Variants in SAP130 observed in about 807,000 individuals in gnomAD.
The protein encoded by SAP130 is histone deacetylase complex subunit SAP130.
Under a neutral mutation model 103.2 loss-of-function variants are expected in SAP130, and 16 were observed. The ratio of observed to expected loss-of-function variants is 0.16; its 90% CI spans 0.10 to 0.24. The LOEUF (loss-of-function observed/expected upper bound fraction) is 0.24. Ranked by LOEUF, SAP130 falls within the 10% of genes least tolerant of loss-of-function variation. The pLI, the probability that SAP130 is intolerant of heterozygous loss-of-function variation, is 1.00. For missense variants in SAP130, 990 were observed against 1,359.7 expected, an observed-to-expected ratio of 0.73 and a Z score of 4.28; for synonymous variants, 477 against 497.0, an observed-to-expected ratio of 0.96 and a Z score of 0.53.
chr2:127,967,936 T>G (rs1245444794), intron 15 of SAP130, among the ~76,000 whole-genome samples: 2 of 152,044 alleles, frequency 1.3e-5, no homozygotes, highest in Non-Finnish European at 2.9e-5. Flanking sequence ...GAATCCAAAC[T>G]AAAGATCTTT....
intron 12 of SAP130, among the ~76,000 whole-genome samples, chr2:127,990,361 GA>G (rs981494436): frequency 7.4e-4 from 97 of 130,956 alleles, no homozygotes; most frequent in Admixed American, 7.7e-4. Flanking sequence ...TGTGTATATT[GA>G]AAAAAAAAAA....
At chr2:127,966,987 A>G (rs904607473) in intron 15 of SAP130, among the ~76,000 whole-genome samples, 4 of 152,208 alleles carry the variant, frequency 2.6e-5, no homozygotes, top group African/African-American at 9.7e-5. Context: ...ATATTTCATG[A>G]AAACAGTAAG....
Position 127,993,209 on chromosome 2 carries a change from C to T in SAP130, c.1455G>A (p.Val485=), listed in dbSNP as rs1378083536. The T allele has an allele frequency of 2.5e-6, 4 of 1,613,908 alleles. No homozygotes were observed. The highest frequency in any genetic ancestry group is 2.5e-6 in the Non-Finnish European group (3 of 1,179,938). The change falls in exon 12 of 21, where the codon GTG becomes GTA. Residue 485 remains valine, a synonymous_variant. Coordinates refer to ENST00000643581, the MANE Select transcript of SAP130 (RefSeq NM_001330301.2). ...AHTYTPITSS[V]STIRQYPVSA... is the part of the protein sequence containing the mutation. ...TACCTGGATACTGTCGGATAGTGGA[C>T]ACGGAACTGGTGATTGGGGTGTAGG...
intron 15 of SAP130, among the ~76,000 whole-genome samples, chr2:127,965,675 A>G (rs1229992667): frequency 6.6e-6 from 1 of 152,088 alleles, no homozygotes. Context: ...CTGTAATCTC[A>G]GCCACTCGGG....
intron 18 of SAP130, among the ~76,000 whole-genome samples, chr2:127,946,681 G>C (rs149029797): frequency 6.6e-6 from 1 of 151,474 alleles, no homozygotes; most frequent in Non-Finnish European, 1.5e-5. Flanking sequence ...TCAGGAGTTC[G>C]AGACCAGCCT....
chr2:128,027,285 G>C, intron 1 of SAP130: 1 of 1,162,190 alleles, frequency 8.6e-7, no homozygotes, highest in Non-Finnish European at 1.1e-6. Flanking sequence ...CGCTGTGCTC[G>C]CAGTCCTCTT....
intron 18 of SAP130, among the ~76,000 whole-genome samples, chr2:127,947,800 G>GTGTGTGTGTGTGTGTGTGTGTT (rs1178153149): frequency 6.6e-6 from 1 of 151,534 alleles, no homozygotes; most frequent in South Asian, 2.1e-4. Flanking sequence ...GTGTGTGTGT[G>GTGTGTGTGTGTGTGTGTGTGTT]TTTTGAGACG....
chr2:127,944,478 T>C (rs1678929114), intron 19 of SAP130, among the ~76,000 whole-genome samples: 1 of 151,858 alleles, frequency 6.6e-6, no homozygotes, highest in African/African-American at 2.4e-5. Flanking sequence ...CGCCCAGGCT[T>C]GAGTGCAGTG....
rs1678778357 is a variant in SAP130 at position 127,942,496 on chromosome 2, C to T, written c.2943G>A (p.Leu981=). 2 of 1,613,640 alleles carry T rather than the reference C, an allele frequency of 1.2e-6. No homozygotes were observed. The highest frequency in any genetic ancestry group is 1.1e-5 in the South Asian group (1 of 91,058). ...EHDVYERLTN[L]QEGIIPKKKA... The stretch of plus-strand genomic sequence containing the variant: ...TTTTCTTTGGGATAATCCCTTCCTG[C>T]AGGTTAGTAAGTCTTTCATAGACAT... The change falls in exon 20 of 21, where the codon CTG becomes CTA. Residue 981 remains leucine (L), a synonymous_variant. Coordinates refer to ENST00000643581, the MANE Select transcript of SAP130 (RefSeq NM_001330301.2). This position sits in a 1 kb window ranked among gnomAD's most constrained non-coding sequence, Gnocchi z 4.8.
chr2:128,016,315 C>T lies in SAP130; in HGVS notation c.507+74G>A, dbSNP rs1405986673. ...TTTTATTACCGTGACTAATGTACTG[C>T]TAGCATTCAATAAATCATGATCAAC... On this transcript the variant is annotated intron_variant, in intron 4 of 20. Transcript: ENST00000643581. 9.6e-6 allele frequency: 14 copies of T among 1,459,870 alleles called. No individual in the cohort carries two copies. The South Asian group carries it at 1.4e-4, about 14-fold the overall frequency. The allele number at this position is 1,459,870 out of a possible 1,614,324, so 90.4% of individuals were successfully genotyped here.
chr2:127,947,322 T>C (rs776443212), intron 18 of SAP130, among the ~76,000 whole-genome samples: 1 of 152,196 alleles, frequency 6.6e-6, no homozygotes, highest in Non-Finnish European at 1.5e-5. Flanking sequence ...AGGAAATTAA[T>C]AAGGCCAGTT....
intron 18 of SAP130, among the ~76,000 whole-genome samples, chr2:127,945,927 A>G (rs6746463): frequency 0.028 from 4,242 of 152,308 alleles, 179 homozygotes; most frequent in African/African-American, 0.093. Context: ...TGTTGGGATT[A>G]TAGGCATGAG....
chr2:127,956,177 C>T (rs978736023), intron 15 of SAP130, among the ~76,000 whole-genome samples: 1 of 152,142 alleles, frequency 6.6e-6, no homozygotes, highest in Non-Finnish European at 1.5e-5. Flanking sequence ...GGTTCAGGAG[C>T]TTCTGGGATA....
intron 3 of SAP130, among the ~76,000 whole-genome samples, chr2:128,017,152 T>C (rs935777899): frequency 1.3e-5 from 2 of 152,084 alleles, no homozygotes; most frequent in Admixed American, 6.6e-5. Context: ...TGAAACGCCA[T>C]CTCTACTAAA....
intron 15 of SAP130, among the ~76,000 whole-genome samples, chr2:127,965,035 GC>G (rs1300035656): frequency 6.9e-6 from 1 of 144,822 alleles, no homozygotes; most frequent in Non-Finnish European, 1.5e-5. Flanking sequence ...GGTGGCTCAT[GC>G]CTGTAATCCC....
chr2:127,964,616 A>G (rs1680508934), intron 15 of SAP130, among the ~76,000 whole-genome samples: 1 of 152,068 alleles, frequency 6.6e-6, no homozygotes, highest in Non-Finnish European at 1.5e-5. Context: ...TTAAATACTG[A>G]AAACTGTTAG....
At chr2:128,019,461 G>C (rs1428578482) in intron 2 of SAP130, among the ~76,000 whole-genome samples, 3 of 152,192 alleles carry the variant, frequency 2.0e-5, no homozygotes, top group African/African-American at 7.2e-5. Context: ...TGAAGAAAGA[G>C]TTCCACTATG....
rs1041342818 is a variant in SAP130 at position 127,966,931 on chromosome 2, C to A, written c.2063+11054G>T. Among the ~76,000 whole-genome samples the A allele has an allele frequency of 1.3e-5, 2 of 151,966 alleles. 1 individual carries two copies. The highest frequency in any genetic ancestry group is 4.1e-4 in the South Asian group (2 of 4,820). ...CATATCAATCTAGTTTGCATTGATA[C>A]CAACTTAACTTCAATAACATACAAA... On this transcript the variant is annotated intron_variant, in intron 15 of 20. Transcript: ENST00000643581.
At chr2:127,990,253 T>C (rs192313982) in intron 12 of SAP130, among the ~76,000 whole-genome samples, 6 of 152,298 alleles carry the variant, frequency 3.9e-5, no homozygotes, top group African/African-American at 1.2e-4. Flanking sequence ...ACAGGTGGTT[T>C]TGAAATACAG....
Sources: gnomAD v4.1 joint callset for allele counts (sites outside exome capture counted in the v4.1 genomes callset) on GRCh38, gnomAD v4.1.1 for gene constraint, Gnocchi (gnomAD v3.1) non-coding constraint, MANE v1.5 for transcripts, NCBI Gene and HGNC (gene_info 2026-07-23, HGNC 2026-07-21) for gene names.